SLC26A9: variants seen among roughly 807,000 people sequenced by gnomAD.
SLC26A9 encodes anion transporter/exchanger protein 9.
SLC26A9 carries 46 observed loss-of-function variants against 87.1 expected under a neutral mutation model. The observed-to-expected ratio is 0.53, with a 90% confidence interval of 0.42 to 0.67. The LOEUF (loss-of-function observed/expected upper bound fraction) is 0.67. Ranked by LOEUF, SLC26A9 falls within the 30% of genes least tolerant of loss-of-function variation. The pLI, the probability that SLC26A9 is intolerant of heterozygous loss-of-function variation, is 0.00. For missense variants in SLC26A9, 927 were observed against 1,018.3 expected (o/e 0.91, Z 1.22); for synonymous variants, 437 against 409.1 (o/e 1.07, Z -0.82).
intron 1 of SLC26A9, among the ~76,000 whole-genome samples, chr1:205,938,882 T>C (rs994050865): frequency 3.6e-4 from 54 of 152,066 alleles, no homozygotes; most frequent in African/African-American, 1.3e-3. Context: ...GCGGCAGGGG[T>C]GGTGGAAGTC....
At position 205,932,861 on chromosome 1, in the gene SLC26A9, G is replaced by A. The variant is rs752157331; in HGVS notation, c.266-49C>T. 12 of 1,598,300 alleles carry A rather than the reference G, an allele frequency of 7.5e-6. No individual in the cohort carries two copies. The East Asian group carries it at 2.5e-4, about 33-fold the overall frequency. On this transcript the variant is annotated intron_variant, in intron 3 of 20. Coordinates refer to ENST00000367135, the MANE Select transcript of SLC26A9 (RefSeq NM_052934.4). ...GCTCAGCAGCATGACTAGCTTATGG[G>A]GATCACAGAGGGATGGAGTGGGGAT...
At chr1:205,922,728 C>T (rs1658894016) in intron 16 of SLC26A9, among the ~76,000 whole-genome samples, 1 of 152,118 alleles carries the variant, frequency 6.6e-6, no homozygotes, top group Admixed American at 6.5e-5. Context: ...CATGGTGAAA[C>T]CCAATATCTA....
intron 16 of SLC26A9, among the ~76,000 whole-genome samples, 197 bp from the exon 17 acceptor site, chr1:205,922,044 T>C (rs1658861603): frequency 6.6e-6 from 1 of 152,156 alleles, no homozygotes; most frequent in Non-Finnish European, 1.5e-5. Context: ...AAACTTGGTC[T>C]CCTACAACCC....
intron 1 of SLC26A9, among the ~76,000 whole-genome samples, chr1:205,937,777 C>G (rs1039419759): frequency 6.6e-6 from 1 of 151,896 alleles, no homozygotes; most frequent in African/African-American, 2.4e-5. Context: ...TGCGGGGGCT[C>G]AATGAGTGGG....
chr1:205,932,070 GT>G (rs748985413), intron 4 of SLC26A9, 35 bp from the exon 5 acceptor site: 16 of 1,610,774 alleles, frequency 9.9e-6, no homozygotes, highest in Non-Finnish European at 1.3e-5. Context: ...AAAATCAGAG[GT>G]TTGAACCACA....
At chr1:205,932,174 A>C in intron 4 of SLC26A9, 139 bp from the exon 5 acceptor site, 1 of 948,534 alleles carries the variant, frequency 1.1e-6, no homozygotes, top group Non-Finnish European at 1.6e-6. Context: ...CACAATAATA[A>C]CAACCACTCA....
intron 2 of SLC26A9, among the ~76,000 whole-genome samples, chr1:205,934,116 C>T (rs185321276): frequency 1.3e-3 from 199 of 152,352 alleles, no homozygotes; most frequent in African/African-American, 3.5e-3. Flanking sequence ...CCCTGACACT[C>T]GGTCCCCTGG....
At position 205,927,922 on chromosome 1, in the gene SLC26A9, A is replaced by G. The variant is rs1295181410; in HGVS notation, c.1081T>C (p.Tyr361His). 3 of 1,614,142 alleles carry G rather than the reference A, an allele frequency of 1.9e-6. No homozygotes were observed. Among genetic ancestry groups the G allele is most frequent in the African/African-American group, 1.3e-5 (1 of 75,054 alleles). ...GCTACCTGGTTCGAATCCACGTCGT[A>G]GCCGTGCTTGTTGGCCAGGGTCCGG... Reference protein sequence around the residue: ...MGRTLANKHGYDVDSNQEMIA... With the variant: ...MGRTLANKHGHDVDSNQEMIA... Residue 361 changes from tyrosine (Y) to histidine (H), a missense_variant, in exon 9 of 21, where the codon TAC (tyrosine) becomes CAC (histidine). Transcript: ENST00000367135.
rs763276284 is a variant in SLC26A9, at chr1:205,915,044, C to T, written c.*313G>A. 3 of 1,614,184 alleles carry T rather than the reference C, an allele frequency of 1.9e-6. No individual in the cohort carries two copies. The stretch of plus-strand genomic sequence containing the variant: ...TGGAAGTCAAGGTGTCCTTCAGCTG[C>T]CAAGGACAGGGCAGAGGTGGGTGGG... On this transcript the variant is annotated 3_prime_UTR_variant, in exon 21 of 21. Coordinates refer to ENST00000367135, the MANE Select transcript of SLC26A9 (RefSeq NM_052934.4).
At chr1:205,923,753 T>G in intron 13 of SLC26A9, 140 bp from the exon 14 acceptor site, 1 of 874,222 alleles carries the variant, frequency 1.1e-6, no homozygotes, top group Non-Finnish European at 1.8e-6. Flanking sequence ...GTCTGTCTTT[T>G]TGCACTGGAG....
Position 205,930,834 on chromosome 1 carries a change from G to A in SLC26A9, c.553-778C>T, listed in dbSNP as rs553215848. ...TAAGTTCTCATCCTTTAAGAGAGGT[G>A]GAGTGTCACCTCCTCTTTGAGGTCC... On this transcript the variant is annotated intron_variant, in intron 5 of 20. Coordinates refer to ENST00000367135, the MANE Select transcript of SLC26A9 (RefSeq NM_052934.4). Among the ~76,000 whole-genome samples the A allele has an allele frequency of 1.6e-4, 24 of 152,300 alleles. No homozygotes were observed. In the South Asian group the frequency reaches 4.6e-3, roughly 29 times the overall value.
Position 205,915,193 on chromosome 1 carries a change from C to T in SLC26A9, c.*164G>A, listed in dbSNP as rs376875270. Reference sequence around the variant, plus strand: ...TGCTGAGAGGCTCTCTCTGGAGATGCGGGGAGGGAAGGAAGGGAGGAGAGA... The same window carrying T: ...TGCTGAGAGGCTCTCTCTGGAGATGTGGGGAGGGAAGGAAGGGAGGAGAGA... On this transcript the variant is annotated 3_prime_UTR_variant, in exon 21 of 21. Coordinates refer to ENST00000367135, the MANE Select transcript of SLC26A9 (RefSeq NM_052934.4). 8.3e-5 allele frequency: 133 copies of T among 1,609,786 alleles called. No homozygotes were observed. Among genetic ancestry groups the T allele is most frequent in the Non-Finnish European group, 1.0e-4 (122 of 1,177,256 alleles).
intron 1 of SLC26A9, among the ~76,000 whole-genome samples, chr1:205,942,550 C>A (rs892796145): frequency 6.6e-6 from 1 of 152,148 alleles, no homozygotes; most frequent in Non-Finnish European, 1.5e-5. Flanking sequence ...AGCTGGGGAC[C>A]CTCTGGGCTG....
At chr1:205,931,782 A>G in intron 5 of SLC26A9, 78 bp downstream of exon 5, 8 of 1,512,322 alleles carry the variant, frequency 5.3e-6, no homozygotes, top group Non-Finnish European at 6.2e-6. Flanking sequence ...AATCAGATTT[A>G]GCATCAAAGC....
Position 205,927,966 on chromosome 1 carries a change from A to G in SLC26A9, c.1037T>C (p.Val346Ala). The G allele has an allele frequency of 6.2e-7, 1 of 1,614,182 alleles. No individual in the cohort carries two copies. The highest frequency in any genetic ancestry group is 8.5e-7 in the Non-Finnish European group (1 of 1,180,016). ...TAFSLAIVSY[V>A]INLAMGRTLA... ...GGTCCGGCCCATAGCCAGGTTGATGACGTAGCTCACGATGGCTAGGGAGAA... is the reference window on the plus strand; with the variant it reads ...GGTCCGGCCCATAGCCAGGTTGATGGCGTAGCTCACGATGGCTAGGGAGAA... Residue 346 changes from valine (V) to alanine (A), a missense_variant, in exon 9 of 21, where the codon GTC (valine) becomes GCC (alanine). Val to Ala is a moderately conservative substitution (Grantham distance 64, BLOSUM62 0). Coordinates refer to ENST00000367135, the MANE Select transcript of SLC26A9 (RefSeq NM_052934.4).
At chr1:205,938,034 G>C (rs992920907) in intron 1 of SLC26A9, among the ~76,000 whole-genome samples, 3 of 152,052 alleles carry the variant, frequency 2.0e-5, no homozygotes, top group Non-Finnish European at 2.9e-5. Flanking sequence ...GCTTTCAAAG[G>C]GTCTAAGTTC....
rs1019960832 is a variant in SLC26A9, at chr1:205,914,877, T to G, written c.*480A>C. 17 of 1,598,124 alleles carry G rather than the reference T, an allele frequency of 1.1e-5. No homozygotes were observed. The highest frequency in any genetic ancestry group is 1.5e-5 in the Non-Finnish European group (17 of 1,171,194). ...AGCTGGGGAAGGCAAGCCAGAGTCC[T>G]AACCAAGTTTATCCCTATGTCCGTG... On this transcript the variant is annotated 3_prime_UTR_variant, in exon 21 of 21. Transcript: ENST00000367135.
chr1:205,920,572 C>A (rs1658786371), intron 17 of SLC26A9, among the ~76,000 whole-genome samples: 1 of 152,142 alleles, frequency 6.6e-6, no homozygotes, highest in African/African-American at 2.4e-5. Context: ...GTGATCTTGG[C>A]TCGCTGCAAC....
chr1:205,914,835 A>C lies in SLC26A9; in HGVS notation c.*522T>G. The C allele has an allele frequency of 6.4e-7, 1 of 1,561,934 alleles. No homozygotes were observed. On this transcript the variant is annotated 3_prime_UTR_variant, in exon 21 of 21. Transcript: ENST00000367135. The stretch of plus-strand genomic sequence containing the variant: ...CATGGTCCCTGGGTGCAGAGCTGCC[A>C]GAGACAGAGTTGAGGCAGCTGGGGA...
Sources: gnomAD v4.1 joint callset for allele counts (sites outside exome capture counted in the v4.1 genomes callset) on GRCh38, gnomAD v4.1.1 for gene constraint, MANE v1.5 for transcripts, NCBI Gene and HGNC (gene_info 2026-07-23, HGNC 2026-07-21) for gene names.